The following SNCG variants were observed in gnomAD, a reference collection of about 807,000 sequenced individuals.
SNCG encodes gamma-synuclein.
In SNCG, 13 loss-of-function variants were observed where a neutral mutation model predicts 16.0. The observed-to-expected ratio is 0.81, with a 90% CI of 0.53 to 1.29. SNCG has a LOEUF of 1.29. Among genes scored for constraint, SNCG ranks in the 50% most tolerant of loss-of-function variants. SNCG has a pLI of 0.00. For missense variants in SNCG, 154 were observed against 168.5 expected (o/e 0.91, Z 0.48); for synonymous variants, 66 against 66.3 (o/e 1.00, Z 0.02).
At chr10:86,955,819 G>C (rs536937778), upstream of SNCG, among the ~76,000 whole-genome samples, 1 of 152,282 alleles carries the variant, frequency 6.6e-6, no homozygotes, top group East Asian at 1.9e-4. Flanking sequence ...CAGGCAGGGG[G>C]CTTCCAGGCT....
chr10:86,959,678 A>G lies in SNCG; in HGVS notation c.163+4A>G. The G allele has an allele frequency of 6.2e-7, 1 of 1,607,438 alleles. No homozygotes were observed. ...GTTGTACAGAGCGTGACCTCAGGTG[A>G]GAAGCCCCAGGGCCAGGGGACACAT... On this transcript the variant is annotated splice_donor_region_variant and intron_variant, in intron 2 of 4. Transcript: ENST00000372017. The surrounding 1 kb of genome is among the most constrained non-coding windows in gnomAD (Gnocchi z 4.3).
upstream of SNCG, among the ~76,000 whole-genome samples, chr10:86,956,353 C>G (rs1564736062): frequency 6.6e-6 from 1 of 152,246 alleles, no homozygotes; most frequent in African/African-American, 2.4e-5. Context: ...AAACCTGCAA[C>G]TCAGAAGCCA....
At chr10:86,958,585 T>C (rs1589311028), upstream of SNCG, 6 of 1,314,398 alleles carry the variant, frequency 4.6e-6, no homozygotes, top group Non-Finnish European at 6.0e-6. Context: ...TCGGCGTCAA[T>C]AGGAGGCATC....
rs1844299024 is a variant in SNCG at position 86,959,430 on chromosome 10, A to C, written c.122-203A>C. 1.7e-6 allele frequency: 1 copy of C among 601,794 alleles called. No homozygotes were observed. Among genetic ancestry groups the C allele is most frequent in the Non-Finnish European group, 3.0e-6 (1 of 337,710 alleles). The allele number at this position is 601,794 out of a possible 1,614,324, so 37.3% of individuals were successfully genotyped here. ...TCAGGCCTGCTCTCTCTTGTCCCCC[A>C]CATTCTGTCCTGTCCCCTTCCCATC... On this transcript the variant is annotated intron_variant, in intron 1 of 4. Coordinates refer to ENST00000372017, the MANE Select transcript of SNCG (RefSeq NM_003087.3). This position sits in a 1 kb window ranked among gnomAD's most constrained non-coding sequence, Gnocchi z 4.3.
At chr10:86,957,764 C>A, upstream of SNCG, 1 of 1,352,114 alleles carries the variant, frequency 7.4e-7, no homozygotes, top group Non-Finnish European at 9.5e-7. Context: ...AGTTCCTGTC[C>A]CTGAGGACTT....
At chr10:86,956,170 C>A (rs137911003), upstream of SNCG, among the ~76,000 whole-genome samples, 117 of 151,710 alleles carry the variant, frequency 7.7e-4, 2 homozygotes, top group East Asian at 0.022. Flanking sequence ...GCCGCCCCAC[C>A]ACCGAGAATC....
At chr10:86,962,769 G>A (rs961244644) in intron 4 of SNCG, 94 bp downstream of exon 4, 2 of 1,190,766 alleles carry the variant, frequency 1.7e-6, no homozygotes, top group Non-Finnish European at 2.4e-6. Context: ...GGCTCCCAGG[G>A]CCCAGAGGGG....
upstream of SNCG, chr10:86,957,247 TG>T: frequency 1.1e-6 from 1 of 933,460 alleles, no homozygotes; most frequent in Non-Finnish European, 1.7e-6. Context: ...GCCTCACAGA[TG>T]GCCCAGAGAT....
At chr10:86,958,497 T>TGCCA, upstream of SNCG, 1 of 1,098,156 alleles carries the variant, frequency 9.1e-7, no homozygotes, top group Non-Finnish European at 1.2e-6. Context: ...TGAACCTCCT[T>TGCCA]CCCTCCCTCC....
At chr10:86,958,503 C>CAACCAAA, upstream of SNCG, 1 of 1,184,002 alleles carries the variant, frequency 8.4e-7, no homozygotes, top group Non-Finnish European at 1.1e-6. Flanking sequence ...TCCTTCCCTC[C>CAACCAAA]CTCCCTCCCT....
At chr10:86,956,138 T>G (rs999371668), upstream of SNCG, among the ~76,000 whole-genome samples, 2 of 52,116 alleles carry the variant, frequency 3.8e-5, no homozygotes, top group African/African-American at 1.5e-4. Flanking sequence ...AGCCCGCCCC[T>G]CCCCCGCCCC....
chr10:86,960,048 G>C lies in SNCG; in HGVS notation c.211G>C (p.Val71Leu). The part of the protein sequence containing the change: ...EQANAVSEAV[V>L]SSVNTVATKT... ...GGCCAACGCCGTGAGCGAGGCTGTGGTGAGCAGCGTCAACACTGTGGCCAC... is the reference window on the plus strand; with the variant it reads ...GGCCAACGCCGTGAGCGAGGCTGTGCTGAGCAGCGTCAACACTGTGGCCAC... Residue 71 changes from valine (V) to leucine (L), a missense_variant, in exon 3 of 5, where the codon GTG becomes CTG. Transcript: ENST00000372017. 6.2e-7 allele frequency: 1 copy of C among 1,612,658 alleles called. No homozygotes were observed. Among genetic ancestry groups the C allele is most frequent in the Non-Finnish European group, 8.5e-7 (1 of 1,179,668 alleles).
chr10:86,959,849 A>G lies in SNCG; in HGVS notation c.164-152A>G. 7.4e-7 allele frequency: 1 copy of G among 1,352,892 alleles called. No homozygotes were observed. Among genetic ancestry groups the G allele is most frequent in the Non-Finnish European group, 1.0e-6 (1 of 997,198 alleles). 83.8% of individuals were successfully genotyped at this position (1,352,892 alleles called of 1,614,324 possible). A position where few individuals can be genotyped will look rare whatever the true frequency, so the allele number is the denominator to read the frequency against. On this transcript the variant is annotated intron_variant, in intron 2 of 4. Transcript: ENST00000372017. This position sits in a 1 kb window ranked among gnomAD's most constrained non-coding sequence, Gnocchi z 4.3. Reference sequence around the variant, plus strand: ...GGGTGGGCGTCTCCTTACCCCCACCAGCATCAGAGGTGCCCTGGAGTCAGA... The same window carrying G: ...GGGTGGGCGTCTCCTTACCCCCACCGGCATCAGAGGTGCCCTGGAGTCAGA...
rs1424419574 is a variant in SNCG at position 86,959,900 on chromosome 10, G to A, written c.164-101G>A. On this transcript the variant is annotated intron_variant, in intron 2 of 4. Coordinates refer to ENST00000372017, the MANE Select transcript of SNCG (RefSeq NM_003087.3). The surrounding 1 kb of genome is among the most constrained non-coding windows in gnomAD (Gnocchi z 4.3). The stretch of plus-strand genomic sequence containing the variant: ...GGGAGCAGGGGAGGGTCCCAGCAGG[G>A]CCAGGGCTCTGAGCTCCTGGGAAGG... 3.3e-6 allele frequency: 5 copies of A among 1,519,878 alleles called. No homozygotes were observed. The highest frequency in any genetic ancestry group is 4.4e-6 in the Non-Finnish European group (5 of 1,125,696). The allele number at this position is 1,519,878 out of a possible 1,614,324, so 94.1% of individuals were successfully genotyped here.
intron 4 of SNCG, 145 bp downstream of exon 4, chr10:86,962,820 G>A (rs1185664871): frequency 3.5e-6 from 4 of 1,158,728 alleles, no homozygotes; most frequent in African/African-American, 1.5e-5. Flanking sequence ...CTGTGTACAG[G>A]GCTAACCCTG....
rs540522786 is a variant in SNCG at position 86,958,739 on chromosome 10, C to T, written c.42C>T (p.Gly14=). 27 of 1,613,952 alleles carry T rather than the reference C, an allele frequency of 1.7e-5. No individual in the cohort carries two copies. The East Asian group carries it at 4.0e-4, about 24-fold the overall frequency. ...AGGGCTTCTCCATCGCCAAGGAGGG[C>T]GTGGTGGGTGCGGTGGAAAAGACCA... ...FKKGFSIAKE[G]VVGAVEKTKQ... The change falls in exon 1 of 5, where the codon GGC becomes GGT. Residue 14 remains glycine, a synonymous_variant. Coordinates refer to ENST00000372017, the MANE Select transcript of SNCG (RefSeq NM_003087.3).
chr10:86,959,956 T>C lies in SNCG; in HGVS notation c.164-45T>C, dbSNP rs765525057. The C allele has an allele frequency of 1.5e-5, 24 of 1,560,228 alleles. No homozygotes were observed. Among genetic ancestry groups the C allele is most frequent in the South Asian group, 1.2e-5 (1 of 84,716 alleles). On this transcript the variant is annotated intron_variant, in intron 2 of 4. Coordinates refer to ENST00000372017, the MANE Select transcript of SNCG (RefSeq NM_003087.3). The surrounding 1 kb of genome is among the most constrained non-coding windows in gnomAD (Gnocchi z 4.3). Reference sequence around the variant, plus strand: ...CGAGCCTGACTCCAGCAGGCCTGCCTTGGGGCTGGGGCTGGGGTGGAGGCC... The same window carrying C: ...CGAGCCTGACTCCAGCAGGCCTGCCCTGGGGCTGGGGCTGGGGTGGAGGCC...
At chr10:86,960,777 G>A (rs1351767140) in intron 3 of SNCG, among the ~76,000 whole-genome samples, 2 of 152,204 alleles carry the variant, frequency 1.3e-5, no homozygotes, top group South Asian at 4.1e-4. Context: ...GCAGTGGGGC[G>A]CACCCCAGGG....
chr10:86,960,099 A>G lies in SNCG; in HGVS notation c.262A>G (p.Ile88Val), dbSNP rs777986406. ...CAAGACCGTGGAGGAGGCGGAGAACATCGCGGTCACCTCCGGGGTGGTGCG... is the reference window on the plus strand; with the variant it reads ...CAAGACCGTGGAGGAGGCGGAGAACGTCGCGGTCACCTCCGGGGTGGTGCG... ...ATKTVEEAENIAVTSGVVRKE... is the reference protein window; with the variant it reads ...ATKTVEEAENVAVTSGVVRKE... Residue 88 changes from isoleucine (I) to valine (V), a missense_variant, in exon 3 of 5, where the codon ATC becomes GTC. Transcript: ENST00000372017. The G allele has an allele frequency of 5.6e-6, 9 of 1,613,062 alleles. No individual in the cohort carries two copies. In the African/African-American group the frequency reaches 1.1e-4, roughly 19 times the overall value.
Sources: gnomAD v4.1 joint callset for allele counts (sites outside exome capture counted in the v4.1 genomes callset) on GRCh38, gnomAD v4.1.1 for gene constraint, Gnocchi (gnomAD v3.1) non-coding constraint, MANE v1.5 for transcripts, NCBI Gene and HGNC (gene_info 2026-07-23, HGNC 2026-07-21) for gene names.